Variants in DNAI4 observed in about 807,000 individuals in gnomAD.
DNAI4 encodes the protein dynein axonemal intermediate chain 4.
Under a neutral mutation model 105.8 loss-of-function variants are expected in DNAI4, and 85 were observed. The ratio of observed to expected loss-of-function variants is 0.80; its 90% CI spans 0.67 to 0.96. The LOEUF (loss-of-function observed/expected upper bound fraction) is 0.96, where lower values mean the gene tolerates loss of function less well. Ranked by LOEUF, DNAI4 falls within the 40% of genes least tolerant of loss-of-function variation. The pLI, the probability that DNAI4 is intolerant of heterozygous loss-of-function variation, is 0.00. For missense variants in DNAI4, 1,014 were observed against 1,005.6 expected (o/e 1.01, Z -0.11); for synonymous variants, 352 against 331.5 (o/e 1.06, Z -0.67).
rs571247169 is a variant in DNAI4 at position 66,870,367 on chromosome 1, G to A, written c.940+1003C>T. Reference sequence around the variant, plus strand: ...TGAGGCAGGAGAATTGCTTGAACCCGGGAGGCGGAGGTTGCAGTGAGCCAA... The same window carrying A: ...TGAGGCAGGAGAATTGCTTGAACCCAGGAGGCGGAGGTTGCAGTGAGCCAA... On this transcript the variant is annotated intron_variant, in intron 6 of 16. Coordinates refer to ENST00000371026, the MANE Select transcript of DNAI4 (RefSeq NM_024763.5). 4.1e-3 allele frequency among the ~76,000 whole-genome samples: 615 copies of A among 151,494 alleles called. 2 individuals carry two copies. The highest frequency in any genetic ancestry group is 7.1e-3 in the Non-Finnish European group (479 of 67,858).
intron 4 of DNAI4, among the ~76,000 whole-genome samples, chr1:66,888,527 T>C (rs888749150): frequency 2.6e-5 from 4 of 152,154 alleles, no homozygotes; most frequent in Non-Finnish European, 5.9e-5. Context: ...ACCCCGTCTC[T>C]ACTAAAAATA....
chr1:66,901,674 G>C (rs530163461), intron 2 of DNAI4, among the ~76,000 whole-genome samples: 2 of 152,252 alleles, frequency 1.3e-5, no homozygotes, highest in East Asian at 3.9e-4. Context: ...ATATGAAGAT[G>C]GTTGTACAAA....
At chr1:66,826,750 C>T in intron 15 of DNAI4, 70 bp downstream of exon 15, 1 of 1,410,938 alleles carries the variant, frequency 7.1e-7, no homozygotes, top group Non-Finnish European at 9.8e-7. Flanking sequence ...TAACTGGTGT[C>T]AAAACTATCA....
intron 4 of DNAI4, among the ~76,000 whole-genome samples, chr1:66,883,400 C>T (rs950668093): frequency 1.3e-5 from 2 of 151,992 alleles, no homozygotes; most frequent in African/African-American, 2.4e-5. Context: ...GCTTCAGCTT[C>T]CCGAGTAGCT....
rs891432217 is a variant in DNAI4, at chr1:66,830,511, C to T, written c.2014-2601G>A. On this transcript the variant is annotated intron_variant, in intron 13 of 16. Transcript: ENST00000371026. Reference sequence around the variant, plus strand: ...AATAAATTAGGCCAGGCGCGGTGGCCGAAGCCTGTAATCCCAGCATTTTGG... The same window carrying T: ...AATAAATTAGGCCAGGCGCGGTGGCTGAAGCCTGTAATCCCAGCATTTTGG... Among the ~76,000 whole-genome samples, 4 of 151,246 alleles carry T rather than the reference C, an allele frequency of 2.6e-5. No homozygotes were observed. The South Asian group carries it at 6.3e-4, about 24-fold the overall frequency.
chr1:66,834,042 C>T lies in DNAI4; in HGVS notation c.1840G>A (p.Ala614Thr), dbSNP rs773349461. Reference protein sequence around the residue: ...GKREILVSISADGRISKWVIR... With the variant: ...GKREILVSISTDGRISKWVIR... ...ACCCATTTGGAGATTCTTCCATCTG[C>T]TGATATAGAAACTAGTATTTCTCTT... The change falls in exon 12 of 17, where the codon GCA becomes ACA. Residue 614 changes from alanine to threonine, a missense_variant. Ala to Thr is a moderately conservative substitution (Grantham distance 58). Transcript: ENST00000371026. The T allele has an allele frequency of 1.9e-6, 3 of 1,612,144 alleles. No individual in the cohort carries two copies. Among genetic ancestry groups the T allele is most frequent in the African/African-American group, 2.7e-5 (2 of 74,824 alleles).
intron 4 of DNAI4, among the ~76,000 whole-genome samples, chr1:66,881,039 G>A (rs1329400061): frequency 6.6e-6 from 1 of 152,202 alleles, no homozygotes; most frequent in Non-Finnish European, 1.5e-5. Context: ...CAGCTTCCAT[G>A]TGGTATTGAG....
intron 6 of DNAI4, among the ~76,000 whole-genome samples, chr1:66,864,805 C>A (rs1646697649): frequency 6.6e-6 from 1 of 152,182 alleles, no homozygotes; most frequent in South Asian, 2.1e-4. Context: ...CGTGCCACTG[C>A]ACTCCAGCCT....
rs774510305 is a variant in DNAI4 at position 66,836,308 on chromosome 1, GA to G, written c.1582-532del. ...AGAAAGAAAGAAAGAAAGAAAGAAA[GA>G]AAGAAAGAAAGAAAGAAGGAAAGAG... On this transcript the variant is annotated intron_variant, in intron 10 of 16. Transcript: ENST00000371026. Among the ~76,000 whole-genome samples, 1,287 of 149,660 alleles carry G rather than the reference GA, an allele frequency of 8.6e-3. 7 individuals are homozygous for G. The highest frequency in any genetic ancestry group is 0.014 in the Middle Eastern group (4 of 282).
At chr1:66,889,577 C>G (rs943213517) in intron 4 of DNAI4, among the ~76,000 whole-genome samples, 2 of 152,146 alleles carry the variant, frequency 1.3e-5, no homozygotes, top group South Asian at 4.1e-4. Flanking sequence ...AGAGTCATTC[C>G]TGTTACATCC....
intron 4 of DNAI4, among the ~76,000 whole-genome samples, chr1:66,885,318 AT>A (rs1220222087): frequency 6.6e-6 from 1 of 152,046 alleles, no homozygotes; most frequent in Non-Finnish European, 1.5e-5. Flanking sequence ...GACCCATGTC[AT>A]TTTTCTTTTG....
At chr1:66,843,988 AG>A (rs1234286660) in intron 8 of DNAI4, among the ~76,000 whole-genome samples, 6 of 151,608 alleles carry the variant, frequency 4.0e-5, no homozygotes, top group Admixed American at 3.9e-4. Context: ...TTCCATTTTA[AG>A]AAACTAGAAA....
intron 7 of DNAI4, among the ~76,000 whole-genome samples, chr1:66,861,727 A>C (rs956822740): frequency 6.6e-5 from 10 of 152,202 alleles, no homozygotes; most frequent in African/African-American, 2.4e-4. Context: ...ATGTCTCCAG[A>C]CATCCAAATG....
intron 2 of DNAI4, among the ~76,000 whole-genome samples, chr1:66,896,907 A>G (rs1464814015): frequency 6.6e-6 from 1 of 152,224 alleles, no homozygotes; most frequent in African/African-American, 2.4e-5. Flanking sequence ...CTAATAACAA[A>G]CACCTGAAAA....
At chr1:66,905,735 A>AT (rs1197923088) in intron 1 of DNAI4, among the ~76,000 whole-genome samples, 3 of 152,234 alleles carry the variant, frequency 2.0e-5, no homozygotes, top group African/African-American at 7.2e-5. Context: ...AATGAGGATA[A>AT]TAACAGTACT....
chr1:66,895,086 T>C (rs1052362427), intron 2 of DNAI4, among the ~76,000 whole-genome samples: 1 of 152,222 alleles, frequency 6.6e-6, no homozygotes, highest in Non-Finnish European at 1.5e-5. Flanking sequence ...CAATAAACTT[T>C]TATAGTTTTA....
intron 8 of DNAI4, among the ~76,000 whole-genome samples, chr1:66,842,785 T>TGTGGAG: frequency 6.6e-6 from 1 of 152,282 alleles, no homozygotes; most frequent in Admixed American, 6.5e-5. Context: ...GAATAAGACT[T>TGTGGAG]CTTGTTGCTC....
chr1:66,826,969 A>G lies in DNAI4; in HGVS notation c.2190T>C (p.Ile730=). The G allele has an allele frequency of 6.2e-7, 1 of 1,614,184 alleles. No individual in the cohort carries two copies. The highest frequency in any genetic ancestry group is 8.5e-7 in the Non-Finnish European group (1 of 1,180,040). Residue 730 remains isoleucine (I), a synonymous_variant, in exon 15 of 17, where the codon ATT becomes ATC. Coordinates refer to ENST00000371026, the MANE Select transcript of DNAI4 (RefSeq NM_024763.5). ...GCTTGACATTCTCCTGTTGCCATATAATAACACCCCAATCTGCAGAACAGC... is the reference window on the plus strand; with the variant it reads ...GCTTGACATTCTCCTGTTGCCATATGATAACACCCCAATCTGCAGAACAGC... ...FLSCSADWGV[I]IWQQENVKPS...
Position 66,835,658 on chromosome 1 carries a change from C to A in DNAI4, c.1701G>T (p.Arg567=). 6.2e-7 allele frequency: 1 copy of A among 1,614,108 alleles called. No individual in the cohort carries two copies. Residue 567 remains arginine (R), a synonymous_variant, in exon 11 of 17, where the codon CGG becomes CGT. Coordinates refer to ENST00000371026, the MANE Select transcript of DNAI4 (RefSeq NM_024763.5). ...CCAGAACTGGAACATTACTGTTGCT[C>A]CGTACATTGTAAATTGCAATTGTGC... The part of the protein sequence containing the change: ...HNGTIAIYNV[R]SNSNVPVLDS...
Sources: gnomAD v4.1 joint callset for allele counts (sites outside exome capture counted in the v4.1 genomes callset) on GRCh38, gnomAD v4.1.1 for gene constraint, MANE v1.5 for transcripts, NCBI Gene and HGNC (gene_info 2026-07-23, HGNC 2026-07-21) for gene names.